GNA13: variants seen among roughly 807,000 people sequenced by gnomAD.
GNA13 encodes guanine nucleotide-binding protein subunit alpha-13.
GNA13 carries 4 observed loss-of-function variants against 33.5 expected under a neutral mutation model. The observed-to-expected ratio is 0.12, with a 90% confidence interval of 0.06 to 0.27. GNA13 has a LOEUF of 0.27. GNA13 is among the 10% of genes least tolerant of loss of function. GNA13 has a pLI of 1.00. For synonymous variants in GNA13, 176 were observed against 183.8 expected (o/e 0.96, Z 0.34); for missense variants, 319 against 487.2 (o/e 0.65, Z 3.25).
intron 2 of GNA13, among the ~76,000 whole-genome samples, chr17:65,034,042 A>G (rs564083089): frequency 6.8e-6 from 1 of 147,586 alleles, no homozygotes; most frequent in East Asian, 2.0e-4. Context: ...AAAAAAATCC[A>G]AAAGAACCAA....
chr17:65,024,701 C>T (rs923690297), intron 2 of GNA13, among the ~76,000 whole-genome samples: 1 of 152,132 alleles, frequency 6.6e-6, no homozygotes, highest in African/African-American at 2.4e-5. Context: ...TAGCAAGTTC[C>T]GAGAGAAGTG....
In GNA13 at chr17:65,009,857, A is replaced by G. The variant is rs1906116761; in HGVS notation, c.*4400T>C. ...CCATCAAACAGGCATGATTAAGGAC[A>G]ATTTCTCACTTACTATGGCAAAAAA... On this transcript the variant is annotated 3_prime_UTR_variant, in exon 4 of 4. Transcript: ENST00000439174. Among the ~76,000 whole-genome samples the G allele has an allele frequency of 6.6e-6, 1 of 152,204 alleles. No homozygotes were observed. The highest frequency in any genetic ancestry group is 1.5e-5 in the Non-Finnish European group (1 of 68,034).
chr17:65,009,520 A>G lies in GNA13; in HGVS notation c.*4737T>C, dbSNP rs1194068904. On this transcript the variant is annotated 3_prime_UTR_variant, in exon 4 of 4. Transcript: ENST00000439174. ...AAAAAATTTACAACAATTATCAGAT[A>G]ATGTGCTTAGTTCCTGGAAAGTTAT... Among the ~76,000 whole-genome samples, 1 of 152,186 alleles carries G rather than the reference A, an allele frequency of 6.6e-6. No homozygotes were observed. Among genetic ancestry groups the G allele is most frequent in the Non-Finnish European group, 1.5e-5 (1 of 68,030 alleles).
At chr17:65,021,951 T>G (rs1020411010) in intron 2 of GNA13, among the ~76,000 whole-genome samples, 1 of 152,148 alleles carries the variant, frequency 6.6e-6, no homozygotes, top group Non-Finnish European at 1.5e-5. Context: ...ACTACAACAG[T>G]GCTAGTGAAT....
chr17:65,023,643 T>C (rs934945139), intron 2 of GNA13, among the ~76,000 whole-genome samples: 1 of 152,242 alleles, frequency 6.6e-6, no homozygotes, highest in Non-Finnish European at 1.5e-5. Flanking sequence ...ATCAAAACAA[T>C]GTCAAACTGC....
chr17:65,017,889 T>C (rs906339454), intron 3 of GNA13, among the ~76,000 whole-genome samples: 10 of 151,886 alleles, frequency 6.6e-5, no homozygotes, highest in African/African-American at 2.4e-4. Flanking sequence ...CAAACTTCTT[T>C]CTCTAAACAG....
At chr17:65,051,523 G>A (rs1435514773) in intron 2 of GNA13, among the ~76,000 whole-genome samples, 2 of 152,152 alleles carry the variant, frequency 1.3e-5, no homozygotes, top group Non-Finnish European at 2.9e-5. Flanking sequence ...GCTGAGGCAG[G>A]AGAATCGCCT....
At chr17:65,036,352 G>A (rs1907246488) in intron 2 of GNA13, among the ~76,000 whole-genome samples, 2 of 152,240 alleles carry the variant, frequency 1.3e-5, no homozygotes, top group African/African-American at 2.4e-5. Context: ...CAAGGCAGCT[G>A]AGTATCAGCC....
rs904222478 is a variant in GNA13 at position 65,018,415 on chromosome 17, T to C, written c.511-112A>G. ...ACACTTAACCCAAACAGACTTTGTT[T>C]AGTCACCAATTTCAGACAGCTAACC... On this transcript the variant is annotated intron_variant, in intron 2 of 3. Coordinates refer to ENST00000439174, the MANE Select transcript of GNA13 (RefSeq NM_006572.6). 7 of 697,058 alleles carry C rather than the reference T, an allele frequency of 1.0e-5. 1 individual carries two copies. In the African/African-American group the frequency reaches 1.3e-4, roughly 13 times the overall value. The allele number at this position is 697,058 out of a possible 1,614,324, so 43.2% of individuals were successfully genotyped here.
chr17:65,056,258 G>GCCCCCCCC, intron 1 of GNA13, 53 bp downstream of exon 1: 11 of 574,306 alleles, frequency 1.9e-5, no homozygotes, highest in Non-Finnish European at 2.7e-5. Flanking sequence ...CGCACCCGCC[G>GCCCCCCCC]CCGCCCCAGC....
intron 2 of GNA13, among the ~76,000 whole-genome samples, chr17:65,023,100 G>A (rs1465496284): frequency 6.6e-6 from 1 of 152,206 alleles, no homozygotes; most frequent in East Asian, 1.9e-4. Flanking sequence ...TTTCAGAGAA[G>A]CTGAGAAAAC....
intron 2 of GNA13, among the ~76,000 whole-genome samples, chr17:65,022,098 G>A (rs908382025): frequency 2.6e-5 from 4 of 152,046 alleles, no homozygotes; most frequent in Non-Finnish European, 4.4e-5. Flanking sequence ...GTTTTTGTAC[G>A]GCTCATTTTT....
rs57030546 is a variant in GNA13, at chr17:65,033,737, G to A, written c.511-15434C>T. ...TCAGTTAAAATTTTCAAAAGAGGCC[G>A]GGCTTGGTGGCTCACACCTGTGATC... On this transcript the variant is annotated intron_variant, in intron 2 of 3. Coordinates refer to ENST00000439174, the MANE Select transcript of GNA13 (RefSeq NM_006572.6). Among the ~76,000 whole-genome samples the A allele has an allele frequency of 7.1e-3, 1,078 of 152,026 alleles. 13 individuals carry two copies. The highest frequency in any genetic ancestry group is 0.025 in the African/African-American group (1,020 of 41,478).
At chr17:65,027,972 C>T (rs2143790418) in intron 2 of GNA13, among the ~76,000 whole-genome samples, 1 of 152,274 alleles carries the variant, frequency 6.6e-6, no homozygotes, top group African/African-American at 2.4e-5. Context: ...GGCACGGTGG[C>T]TCACGCCTGT....
In GNA13 at chr17:65,047,821, CAAAT is replaced by C. The variant is rs1031936773; in HGVS notation, c.510+5677_510+5680del. 3.0e-4 allele frequency among the ~76,000 whole-genome samples: 45 copies of C among 151,698 alleles called. 1 individual carries two copies. The highest frequency in any genetic ancestry group is 1.1e-3 in the African/African-American group (44 of 41,344). On this transcript the variant is annotated intron_variant, in intron 2 of 3. Coordinates refer to ENST00000439174, the MANE Select transcript of GNA13 (RefSeq NM_006572.6). ...TATATTTCCAATACATGCTGCAGTG[CAAAT>C]AAATAAATAAAAAAAATTAGCTGAA... is the stretch of plus-strand genomic sequence containing the variant.
rs1410351083 is a variant in GNA13 at position 65,013,377 on chromosome 17, A to G, written c.*880T>C. 1 of 210,214 alleles carries G rather than the reference A, an allele frequency of 4.8e-6. No individual in the cohort carries two copies. Among genetic ancestry groups the G allele is most frequent in the Admixed American group, 5.9e-5 (1 of 16,962 alleles). The allele number at this position is 210,214 out of a possible 1,614,324, so 13.0% of individuals were successfully genotyped here. On this transcript the variant is annotated 3_prime_UTR_variant, in exon 4 of 4. Coordinates refer to ENST00000439174, the MANE Select transcript of GNA13 (RefSeq NM_006572.6). ...CTGACCAACTGAGATAGGGCTTAAA[A>G]GTCAAATACATGACATTCTGGAACA... is the stretch of plus-strand genomic sequence containing the variant.
At chr17:65,056,249 G>GCCCCCCCCCCCCC in intron 1 of GNA13, 62 bp downstream of exon 1, 5 of 774,832 alleles carry the variant, frequency 6.5e-6, no homozygotes, top group Non-Finnish European at 9.8e-6. Flanking sequence ...GCCCCGCCCC[G>GCCCCCCCCCCCCC]CACCCGCCGC....
rs1191452429 is a variant in GNA13 at position 65,011,027 on chromosome 17, G to A, written c.*3230C>T. 3 of 199,378 alleles carry A rather than the reference G, an allele frequency of 1.5e-5. No individual in the cohort carries two copies. The highest frequency in any genetic ancestry group is 3.1e-5 in the Non-Finnish European group (3 of 96,680). The allele number at this position is 199,378 out of a possible 1,614,324, so 12.4% of individuals were successfully genotyped here. ...ATATAAATAAGGCATAATCGGATGT[G>A]TATTAATGCTGAAAATACATTTTAT... is the stretch of plus-strand genomic sequence containing the variant. On this transcript the variant is annotated 3_prime_UTR_variant, in exon 4 of 4. Coordinates refer to ENST00000439174, the MANE Select transcript of GNA13 (RefSeq NM_006572.6).
intron 2 of GNA13, among the ~76,000 whole-genome samples, chr17:65,027,245 G>A (rs1906822978): frequency 6.6e-6 from 1 of 151,314 alleles, no homozygotes; most frequent in South Asian, 2.1e-4. Flanking sequence ...AAGTGCACCT[G>A]TCTTTCTCAA....
Sources: gnomAD v4.1 joint callset for allele counts (sites outside exome capture counted in the v4.1 genomes callset) on GRCh38, gnomAD v4.1.1 for gene constraint, MANE v1.5 for transcripts, NCBI Gene and HGNC (gene_info 2026-07-23, HGNC 2026-07-21) for gene names.